The following TMIGD1 variants were observed in gnomAD, a reference collection of about 807,000 sequenced individuals.
TMIGD1 encodes transmembrane and immunoglobulin domain-containing protein 1.
TMIGD1 carries 29 observed loss-of-function variants against 27.5 expected under a neutral mutation model. The ratio of observed to expected loss-of-function variants is 1.05; its 90% confidence interval spans 0.78 to 1.44. TMIGD1 has a LOEUF of 1.44. Ranked by LOEUF, TMIGD1 falls within the 40% of genes most tolerant of loss-of-function variation. The pLI is 0.00. For missense variants in TMIGD1, 334 were observed against 310.6 expected, an observed-to-expected ratio of 1.08 and a Z score of -0.57; for synonymous variants, 109 against 110.3, an observed-to-expected ratio of 0.99 and a Z score of 0.07.
rs768570203 is a variant in TMIGD1 at position 30,316,516 on chromosome 17, A to G, written c.*171T>C. ...TTCATTCTTAATAGCTCTTTCCATA[A>G]AAATGTTCCACAAGTGTATCAAATT... On this transcript the variant is annotated 3_prime_UTR_variant, in exon 7 of 7. Transcript: ENST00000328886. The G allele has an allele frequency of 6.5e-6, 4 of 617,960 alleles. No homozygotes were observed. The highest frequency in any genetic ancestry group is 2.3e-5 in the South Asian group (1 of 43,062). The allele number at this position is 617,960 out of a possible 1,614,324, so 38.3% of individuals were successfully genotyped here.
At chr17:30,318,377 A>G (rs989803193) in intron 5 of TMIGD1, among the ~76,000 whole-genome samples, 1 of 152,194 alleles carries the variant, frequency 6.6e-6, no homozygotes, top group Non-Finnish European at 1.5e-5. Flanking sequence ...TATAATTCAA[A>G]CACCAGTCCA....
Position 30,329,535 on chromosome 17 carries a change from A to G in TMIGD1, c.83-6T>C, listed in dbSNP as rs772556190. On this transcript the variant is annotated splice_polypyrimidine_tract_variant and splice_region_variant and intron_variant, in intron 2 of 6. Coordinates refer to ENST00000328886, the MANE Select transcript of TMIGD1 (RefSeq NM_206832.3). ...ATTCACAGTTAAAACAGAACCTGGG[A>G]GTATAGGGAGAAACTATTTAGATAT... 14 of 1,604,262 alleles carry G rather than the reference A, an allele frequency of 8.7e-6. No individual in the cohort carries two copies. Among genetic ancestry groups the G allele is most frequent in the Non-Finnish European group, 1.2e-5 (14 of 1,172,552 alleles).
intron 3 of TMIGD1, among the ~76,000 whole-genome samples, chr17:30,327,099 G>A (rs2143167254): frequency 6.6e-6 from 1 of 151,604 alleles, no homozygotes; most frequent in Admixed American, 6.6e-5. Flanking sequence ...ATGATATTTA[G>A]GAGATTGTTA....
chr17:30,327,274 C>A (rs535219472), intron 3 of TMIGD1, among the ~76,000 whole-genome samples: 1 of 152,128 alleles, frequency 6.6e-6, no homozygotes, highest in African/African-American at 2.4e-5. Context: ...AAAATCAGCT[C>A]GGCCTGGTGG....
intron 4 of TMIGD1, among the ~76,000 whole-genome samples, chr17:30,323,635 G>A (rs1448683086): frequency 6.6e-6 from 1 of 152,132 alleles, no homozygotes; most frequent in African/African-American, 2.4e-5. Context: ...GTGACACAGA[G>A]CAATTATGAT....
chr17:30,316,691 C>A lies in TMIGD1; in HGVS notation c.786-1G>T. 6.2e-7 allele frequency: 1 copy of A among 1,613,164 alleles called. No individual in the cohort carries two copies. The highest frequency in any genetic ancestry group is 8.5e-7 in the Non-Finnish European group (1 of 1,179,656). On this transcript the variant is annotated splice_acceptor_variant, in intron 6 of 6. Coordinates refer to ENST00000328886, the MANE Select transcript of TMIGD1 (RefSeq NM_206832.3). LOFTEE classifies it high-confidence loss of function. Reference sequence around the variant, plus strand: ...TTCGATGGCATCTCAGCTTTCTCATCTGAAATGAATGAAGAAATTAATAAT... The same window carrying A: ...TTCGATGGCATCTCAGCTTTCTCATATGAAATGAATGAAGAAATTAATAAT...
At chr17:30,323,015 T>A (rs1162984463) in intron 4 of TMIGD1, among the ~76,000 whole-genome samples, 1 of 151,952 alleles carries the variant, frequency 6.6e-6, no homozygotes, top group Non-Finnish European at 1.5e-5. Flanking sequence ...ACAAAAACAA[T>A]TTTTTTGATT....
intron 3 of TMIGD1, among the ~76,000 whole-genome samples, chr17:30,326,131 C>T (rs942803497): frequency 2.0e-5 from 3 of 152,024 alleles, no homozygotes; most frequent in South Asian, 2.1e-4. Flanking sequence ...GGAATGAGCT[C>T]GAATTCTGTA....
chr17:30,332,215 C>A (rs1198677987), intron 1 of TMIGD1, 57 bp from the exon 2 acceptor site: 4 of 1,010,702 alleles, frequency 4.0e-6, no homozygotes, highest in East Asian at 2.5e-5. Flanking sequence ...AGTTCGTGAA[C>A]CTTCCTTCTG....
At chr17:30,318,778 T>C in intron 5 of TMIGD1, 32 bp downstream of exon 5, 1 of 1,524,172 alleles carries the variant, frequency 6.6e-7, no homozygotes, top group African/African-American at 1.4e-5. Context: ...GATGATGGCT[T>C]TTTACTTAAA....
At position 30,325,055 on chromosome 17, in the gene TMIGD1, T is replaced by C; in HGVS notation, c.401A>G (p.Glu134Gly). 1 of 1,613,990 alleles carries C rather than the reference T, an allele frequency of 6.2e-7. No individual in the cohort carries two copies. The highest frequency in any genetic ancestry group is 8.5e-7 in the Non-Finnish European group (1 of 1,179,918). Residue 134 changes from glutamate (E) to glycine (G), a missense_variant, in exon 4 of 7, where the codon GAG becomes GGG. Transcript: ENST00000328886. ...AACCAACTTCACATTACTGCCTTCC[T>C]CAACTGTTTGGAAGTCGTTTCCACT... ...LLSGNDFQTV[E>G]EGSNVKLVCN...
chr17:30,326,145 T>C (rs759271446), intron 3 of TMIGD1, among the ~76,000 whole-genome samples: 2 of 152,184 alleles, frequency 1.3e-5, no homozygotes, highest in African/African-American at 2.4e-5. Flanking sequence ...TTCTGTATCA[T>C]ATCCAACAAG....
intron 4 of TMIGD1, among the ~76,000 whole-genome samples, chr17:30,319,185 C>T (rs1909522661): frequency 6.8e-6 from 1 of 146,862 alleles, no homozygotes; most frequent in Admixed American, 6.9e-5. Context: ...GGGCAGATCA[C>T]TTGACGTCAG....
rs1248532753 is a variant in TMIGD1 at position 30,331,954 on chromosome 17, A to G, written c.82+98T>C. 9.2e-6 allele frequency: 7 copies of G among 758,382 alleles called. No homozygotes were observed. The East Asian group carries it at 1.3e-4, about 14-fold the overall frequency. 47.0% of individuals were successfully genotyped at this position (758,382 alleles called of 1,614,324 possible). A position where few individuals can be genotyped will look rare whatever the true frequency, so the allele number is the denominator to read the frequency against. On this transcript the variant is annotated intron_variant, in intron 2 of 6. Transcript: ENST00000328886. ...CCATGCTAACTGTGTAGTCATTCCA[A>G]TTTGGAATTTAAGGATATATCCAAT...
At chr17:30,316,728 T>C (rs905307235) in intron 6 of TMIGD1, 38 bp from the exon 7 acceptor site, 2 of 1,602,530 alleles carry the variant, frequency 1.2e-6, no homozygotes, top group Non-Finnish European at 1.7e-6. Context: ...ATGATGCTCA[T>C]AGCAATAAGA....
chr17:30,319,257 A>AT (rs1479503289), intron 4 of TMIGD1, among the ~76,000 whole-genome samples: 3 of 54,278 alleles, frequency 5.5e-5, no homozygotes, highest in African/African-American at 5.4e-4. Context: ...AAGAAAAAAA[A>AT]AAAAATATAT....
Position 30,316,454 on chromosome 17 carries a change from A to G in TMIGD1, c.*233T>C. On this transcript the variant is annotated 3_prime_UTR_variant, in exon 7 of 7. Coordinates refer to ENST00000328886, the MANE Select transcript of TMIGD1 (RefSeq NM_206832.3). ...TTGGAACAAATCTCAATTAATTAAC[A>G]TATACTTCAAGGAGAAGACTTAACA... The G allele has an allele frequency of 2.1e-6, 1 of 483,574 alleles. No individual in the cohort carries two copies. 30.0% of individuals were successfully genotyped at this position (483,574 alleles called of 1,614,324 possible).
At position 30,317,199 on chromosome 17, in the gene TMIGD1, G is replaced by A; in HGVS notation, c.779C>T (p.Thr260Ile). The change falls in exon 6 of 7, where the codon ACA (threonine) becomes ATA (isoleucine). Residue 260 changes from threonine to isoleucine, a missense_variant. Thr to Ile is a moderately conservative substitution (Grantham distance 89, BLOSUM62 -1). Coordinates refer to ENST00000328886, the MANE Select transcript of TMIGD1 (RefSeq NM_206832.3). ...CMKDKDPHSE[T>I]AL is the part of the protein sequence containing the mutation. The stretch of plus-strand genomic sequence containing the variant: ...CCCGGCCTAGAGTACTTACAGAGCT[G>A]TTTCACTGTGAGGGTCTTTATCCTT... 4.3e-6 allele frequency: 7 copies of A among 1,614,040 alleles called. No individual in the cohort carries two copies. Among genetic ancestry groups the A allele is most frequent in the Non-Finnish European group, 5.9e-6 (7 of 1,179,956 alleles).
chr17:30,331,129 A>G (rs1909963085), intron 2 of TMIGD1, among the ~76,000 whole-genome samples: 1 of 152,214 alleles, frequency 6.6e-6, no homozygotes, highest in Non-Finnish European at 1.5e-5. Context: ...TGGGAGATGA[A>G]GGTTGCAGTG....
Sources: allele counts gnomAD v4.1 joint callset (sites outside exome capture counted in the v4.1 genomes callset), GRCh38; gene constraint gnomAD v4.1.1; transcripts MANE v1.5; gene names NCBI Gene and HGNC (gene_info 2026-07-23, HGNC 2026-07-21).